The following TOX2 variants were observed in gnomAD, a reference collection of about 807,000 sequenced individuals.
TOX2 encodes the protein TOX high mobility group box family member 2.
In TOX2, 15 loss-of-function variants were observed where a neutral mutation model predicts 47.4. The observed-to-expected ratio is 0.32, with a 90% CI of 0.21 to 0.49. The LOEUF (loss-of-function observed/expected upper bound fraction) is 0.49. TOX2 is among the 20% of genes least tolerant of loss of function. TOX2 has a pLI of 0.99. For missense variants in TOX2, 622 were observed against 673.1 expected, an observed-to-expected ratio of 0.92 and a Z score of 0.84; for synonymous variants, 290 against 296.6, an observed-to-expected ratio of 0.98 and a Z score of 0.23.
intron 5 of TOX2, among the ~76,000 whole-genome samples, chr20:44,062,561 C>A (rs971511845): frequency 1.3e-5 from 2 of 152,042 alleles, no homozygotes; most frequent in East Asian, 1.9e-4. Context: ...GTGAAAATGA[C>A]CATACTGCCA....
At chr20:43,995,734 C>T (rs2070464366) in intron 2 of TOX2, among the ~76,000 whole-genome samples, 1 of 152,160 alleles carries the variant, frequency 6.6e-6, no homozygotes, top group South Asian at 2.1e-4. Flanking sequence ...TATCACTTAG[C>T]TCTCACTTGT....
At chr20:43,960,762 T>C (rs901826733) in intron 1 of TOX2, among the ~76,000 whole-genome samples, 8 of 152,362 alleles carry the variant, frequency 5.3e-5, no homozygotes, top group South Asian at 2.1e-4. Context: ...ACCACTCCTG[T>C]CTCCTACCCT....
chr20:43,926,838 C>G (rs1459229374), intron 1 of TOX2, among the ~76,000 whole-genome samples: 1 of 152,240 alleles, frequency 6.6e-6, no homozygotes, highest in Non-Finnish European at 1.5e-5. Context: ...AGCCTGCCAG[C>G]AAGGCACGTG....
intron 1 of TOX2, chr20:43,945,850 A>G: frequency 1.3e-6 from 2 of 1,596,476 alleles, no homozygotes; most frequent in Non-Finnish European, 1.7e-6. Context: ...GAGGACCAAG[A>G]GTTGTCAGGA....
intron 1 of TOX2, among the ~76,000 whole-genome samples, chr20:43,972,646 G>T (rs1264339719): frequency 6.6e-6 from 1 of 152,244 alleles, no homozygotes; most frequent in Non-Finnish European, 1.5e-5. Flanking sequence ...AGAAGTTGAG[G>T]CACCAACTTG....
rs2069043430 is a variant in TOX2 at position 43,915,308 on chromosome 20, C to T, written c.99+318C>T. 6.6e-6 allele frequency among the ~76,000 whole-genome samples: 1 copy of T among 152,158 alleles called. No individual in the cohort carries two copies. The highest frequency in any genetic ancestry group is 1.5e-5 in the Non-Finnish European group (1 of 68,024). On this transcript the variant is annotated intron_variant, in intron 1 of 8. Transcript: ENST00000341197. This position sits in a 1 kb window ranked among gnomAD's most constrained non-coding sequence, Gnocchi z 7.1. Reference sequence around the variant, plus strand: ...GCGGCCAGGCACTGCTTACACGGTCCCGCCGTCCCACGCAAGTCACCCTGA... The same window carrying T: ...GCGGCCAGGCACTGCTTACACGGTCTCGCCGTCCCACGCAAGTCACCCTGA...
intron 3 of TOX2, among the ~76,000 whole-genome samples, chr20:44,031,842 A>C (rs552476933): frequency 6.6e-6 from 1 of 152,248 alleles, no homozygotes; most frequent in South Asian, 2.1e-4. Flanking sequence ...CTCATTCAAC[A>C]TTCACTGAAC....
At chr20:44,000,971 A>G (rs1409119020) in intron 2 of TOX2, among the ~76,000 whole-genome samples, 1 of 152,108 alleles carries the variant, frequency 6.6e-6, no homozygotes, top group Non-Finnish European at 1.5e-5. Context: ...GTCATTGATG[A>G]CCTTCCCAAG....
chr20:44,066,238 C>A, intron 7 of TOX2, 131 bp downstream of exon 7: 1 of 999,702 alleles, frequency 1.0e-6, no homozygotes, highest in Non-Finnish European at 1.4e-6. Context: ...CTCTCTGAGC[C>A]TCAGTTACCA....
intron 1 of TOX2, among the ~76,000 whole-genome samples, chr20:43,923,607 A>G (rs2069134212): frequency 6.6e-6 from 1 of 152,202 alleles, no homozygotes. Context: ...AACTGAGGAC[A>G]GTAGAGATGT....
chr20:44,054,363 A>G lies in TOX2; in HGVS notation c.716A>G (p.Lys239Arg), dbSNP rs1251239867. The G allele has an allele frequency of 6.2e-7, 1 of 1,612,050 alleles. No individual in the cohort carries two copies. Among genetic ancestry groups the G allele is most frequent in the East Asian group, 2.2e-5 (1 of 44,888 alleles). Residue 239 changes from lysine (K) to arginine (R), a missense_variant, in exon 5 of 9, where the codon AAA becomes AGA. By Grantham distance (26) the Lys-to-Arg change is conservative (BLOSUM62 2). Transcript: ENST00000341197. ...AAGGCCAAGAACCCGAAGAAGAAGA[A>G]AAAGAAGGACCCCAATGAGCCGCAG... ...GKKAKNPKKK[K>R]KKDPNEPQKP...
chr20:43,944,688 C>T (rs1027175860), intron 1 of TOX2, among the ~76,000 whole-genome samples: 12 of 152,346 alleles, frequency 7.9e-5, no homozygotes, highest in African/African-American at 2.9e-4. Flanking sequence ...TTCCCCAGAG[C>T]GCTTCCTGCT....
intron 1 of TOX2, among the ~76,000 whole-genome samples, chr20:43,926,680 CTT>C (rs2069172102): frequency 1.3e-5 from 2 of 152,224 alleles, no homozygotes; most frequent in Non-Finnish European, 2.9e-5. Context: ...GGGGCTGTCT[CTT>C]TTCTCTCCTG....
intron 2 of TOX2, among the ~76,000 whole-genome samples, chr20:43,990,462 C>T (rs377263218): frequency 3.9e-4 from 59 of 152,206 alleles, no homozygotes; most frequent in African/African-American, 1.4e-3. Context: ...TTGCTCTATT[C>T]TGCCCAGATC....
At chr20:44,016,678 G>A (rs2070883920) in intron 3 of TOX2, among the ~76,000 whole-genome samples, 1 of 152,126 alleles carries the variant, frequency 6.6e-6, no homozygotes, top group Non-Finnish European at 1.5e-5. Flanking sequence ...AATCACCCCT[G>A]GTTGAGAGCC....
At chr20:44,032,890 G>A (rs78766852) in intron 3 of TOX2, among the ~76,000 whole-genome samples, 1,931 of 152,298 alleles carry the variant, frequency 0.013, 46 homozygotes, top group African/African-American at 0.044. Flanking sequence ...TTCATAACAC[G>A]ATGATCAGTA....
Position 44,069,072 on chromosome 20 carries a change from A to T in TOX2, c.*386A>T, listed in dbSNP as rs2071891719. ...CACCCACCCCAGATGCATGGGCCAG[A>T]GGGCCGGCCCCCGGCATAGATGTGC... On this transcript the variant is annotated 3_prime_UTR_variant, in exon 9 of 9. Coordinates refer to ENST00000341197, the MANE Select transcript of TOX2 (RefSeq NM_001098797.2). The T allele has an allele frequency of 2.6e-6, 1 of 389,746 alleles. No homozygotes were observed. Among genetic ancestry groups the T allele is most frequent in the Admixed American group, 3.6e-5 (1 of 27,712 alleles). The allele number at this position is 389,746 out of a possible 1,614,324, so 24.1% of individuals were successfully genotyped here. A position where few individuals can be genotyped will look rare whatever the true frequency, so the allele number is the denominator to read the frequency against.
At chr20:43,975,865 G>A (rs1398609873) in intron 2 of TOX2, among the ~76,000 whole-genome samples, 1 of 152,110 alleles carries the variant, frequency 6.6e-6, no homozygotes, top group Admixed American at 6.5e-5. Flanking sequence ...CTGGAACACC[G>A]AGAGCACTCA....
rs558294880 is a variant in TOX2, at chr20:43,929,100, A to G, written c.99+14110A>G. 1.1e-4 allele frequency among the ~76,000 whole-genome samples: 17 copies of G among 152,094 alleles called. No individual in the cohort carries two copies. In the East Asian group the frequency reaches 3.3e-3, roughly 29 times the overall value. ...CTTGAACCCTGGAGGCAGAGGTTGC[A>G]GTGAGCTGAGATCATTCCACTGCAC... On this transcript the variant is annotated intron_variant, in intron 1 of 8. Transcript: ENST00000341197.
Sources: allele counts gnomAD v4.1 joint callset (sites outside exome capture counted in the v4.1 genomes callset), GRCh38; gene constraint gnomAD v4.1.1; non-coding constraint Gnocchi (gnomAD v3.1); transcripts MANE v1.5; gene names NCBI Gene and HGNC (gene_info 2026-07-23, HGNC 2026-07-21).